Variants in PRTFDC1 observed in about 807,000 individuals in gnomAD.
PRTFDC1 encodes phosphoribosyl transferase domain containing 1.
In PRTFDC1, 38 loss-of-function variants were observed where a neutral mutation model predicts 34.6. That is an observed-to-expected ratio of 1.10 (90% CI 0.85 to 1.44). The LOEUF (loss-of-function observed/expected upper bound fraction) is 1.44. Ranked by LOEUF, PRTFDC1 falls within the 40% of genes most tolerant of loss-of-function variation. The pLI is 0.00. For missense variants in PRTFDC1, 270 were observed against 283.0 expected (o/e 0.95, Z 0.33); for synonymous variants, 93 against 98.1 (o/e 0.95, Z 0.31).
intron 3 of PRTFDC1, among the ~76,000 whole-genome samples, chr10:24,914,212 G>T (rs1848663810): frequency 6.6e-6 from 1 of 152,160 alleles, no homozygotes; most frequent in Admixed American, 6.6e-5. Flanking sequence ...TTAGGACACA[G>T]AATCCATTTG....
chr10:24,950,688 C>CCTG (rs1849327576), intron 1 of PRTFDC1, among the ~76,000 whole-genome samples: 1 of 152,134 alleles, frequency 6.6e-6, no homozygotes, highest in African/African-American at 2.4e-5. Flanking sequence ...CACCATGCTG[C>CCTG]CTGCCCTCCC....
chr10:24,928,854 G>A (rs112955547), intron 3 of PRTFDC1, among the ~76,000 whole-genome samples: 39,409 of 151,216 alleles, frequency 0.26, 5,914 homozygotes, highest in Non-Finnish European at 0.35. Flanking sequence ...TGACTAACAC[G>A]GTGAAACCCT....
chr10:24,934,889 C>T (rs1294167496), intron 3 of PRTFDC1, among the ~76,000 whole-genome samples: 1 of 152,170 alleles, frequency 6.6e-6, no homozygotes, highest in Non-Finnish European at 1.5e-5. Context: ...CGGAGTTTGA[C>T]TCTTTTCATC....
chr10:24,899,464 T>G (rs1848417794), intron 3 of PRTFDC1, among the ~76,000 whole-genome samples: 1 of 152,130 alleles, frequency 6.6e-6, no homozygotes, highest in Admixed American at 6.5e-5. Context: ...GGCTATACTG[T>G]TTGAGTGGGA....
chr10:24,873,905 T>A (rs1847919510), intron 3 of PRTFDC1, among the ~76,000 whole-genome samples: 1 of 151,410 alleles, frequency 6.6e-6, no homozygotes, highest in Non-Finnish European at 1.5e-5. Context: ...TATAATTTTT[T>A]ACCTTTTTTT....
intron 3 of PRTFDC1, among the ~76,000 whole-genome samples, chr10:24,907,538 G>A (rs771312560): frequency 6.6e-6 from 1 of 152,236 alleles, no homozygotes; most frequent in Non-Finnish European, 1.5e-5. Context: ...GGAGGTTGCA[G>A]TAAGCTGAGA....
chr10:24,878,834 C>G (rs1359897813), intron 3 of PRTFDC1, among the ~76,000 whole-genome samples: 1 of 152,210 alleles, frequency 6.6e-6, no homozygotes, highest in Non-Finnish European at 1.5e-5. Flanking sequence ...CTAAGCCATT[C>G]ATTTCAAGAG....
chr10:24,907,760 A>C (rs942296250), intron 3 of PRTFDC1, among the ~76,000 whole-genome samples: 1 of 152,236 alleles, frequency 6.6e-6, no homozygotes, highest in Admixed American at 6.5e-5. Context: ...AAGAAGTTAC[A>C]TTCTTTTAAA....
intron 3 of PRTFDC1, among the ~76,000 whole-genome samples, chr10:24,885,029 C>T (rs973378380): frequency 2.0e-5 from 3 of 152,254 alleles, no homozygotes; most frequent in Admixed American, 2.0e-4. Context: ...CCTTGCCCAG[C>T]AGATACCATG....
chr10:24,865,466 T>A (rs1847758149), intron 4 of PRTFDC1, among the ~76,000 whole-genome samples: 1 of 152,152 alleles, frequency 6.6e-6, no homozygotes. Context: ...CCAGTTACTG[T>A]CTTAGTCATC....
intron 3 of PRTFDC1, among the ~76,000 whole-genome samples, chr10:24,907,610 C>A (rs759808523): frequency 2.6e-5 from 4 of 152,038 alleles, no homozygotes; most frequent in Admixed American, 2.0e-4. Context: ...AAATAAAAAT[C>A]AAAATCAAGT....
intron 3 of PRTFDC1, among the ~76,000 whole-genome samples, chr10:24,889,875 C>G (rs1380412191): frequency 6.6e-6 from 1 of 152,152 alleles, no homozygotes; most frequent in Non-Finnish European, 1.5e-5. Flanking sequence ...TTCTTTTCCT[C>G]TGGAGGCTAA....
At chr10:24,897,815 C>T (rs1332506580) in intron 3 of PRTFDC1, among the ~76,000 whole-genome samples, 1 of 152,138 alleles carries the variant, frequency 6.6e-6, no homozygotes, top group African/African-American at 2.4e-5. Flanking sequence ...AACTGTTTGG[C>T]AGGGAAATTT....
intron 4 of PRTFDC1, among the ~76,000 whole-genome samples, chr10:24,867,232 T>C (rs796663817): frequency 3.9e-5 from 6 of 152,102 alleles, no homozygotes; most frequent in Non-Finnish European, 5.9e-5. Flanking sequence ...AATTTAATTT[T>C]AAAAAATCCT....
At chr10:24,899,895 A>G in intron 3 of PRTFDC1, among the ~76,000 whole-genome samples, 1 of 152,150 alleles carries the variant, frequency 6.6e-6, no homozygotes, top group East Asian at 1.9e-4. Context: ...TATTTTACAG[A>G]TATGGGTATC....
chr10:24,878,899 G>A (rs1002533649), intron 3 of PRTFDC1, among the ~76,000 whole-genome samples: 1 of 152,032 alleles, frequency 6.6e-6, no homozygotes, highest in East Asian at 1.9e-4. Flanking sequence ...AATATTCTCC[G>A]CCCCCACAGA....
In PRTFDC1 at chr10:24,898,260, G is replaced by A. The variant is rs1434900094; in HGVS notation, c.340-26197C>T. 3.0e-5 allele frequency among the ~76,000 whole-genome samples: 4 copies of A among 135,552 alleles called. No individual in the cohort carries two copies. In the South Asian group the frequency reaches 7.5e-4, roughly 26 times the overall value. 88.9% of individuals were successfully genotyped at this position (135,552 alleles called of 152,430 possible). On this transcript the variant is annotated intron_variant, in intron 3 of 8. Coordinates refer to ENST00000320152, the MANE Select transcript of PRTFDC1 (RefSeq NM_020200.7). ...AAAACCAGAGTTTGAGACCAGCCTG[G>A]GAAACATGGGGAAATCCCGTCTCTA...
intron 1 of PRTFDC1, among the ~76,000 whole-genome samples, chr10:24,948,783 C>T (rs752874346): frequency 5.3e-5 from 8 of 152,188 alleles, no homozygotes; most frequent in Non-Finnish European, 7.3e-5. Flanking sequence ...AGCTCCTTCA[C>T]CAGCCTTAGC....
At chr10:24,948,666 G>A (rs1564322556) in intron 1 of PRTFDC1, among the ~76,000 whole-genome samples, 1 of 152,122 alleles carries the variant, frequency 6.6e-6, no homozygotes, top group South Asian at 2.1e-4. Context: ...TTTATCAACA[G>A]ATTTCTACCA....
Sources: gnomAD v4.1 joint callset for allele counts (sites outside exome capture counted in the v4.1 genomes callset) on GRCh38, gnomAD v4.1.1 for gene constraint, MANE v1.5 for transcripts, NCBI Gene and HGNC (gene_info 2026-07-23, HGNC 2026-07-21) for gene names.